The following CYTH1 variants were observed in gnomAD, a reference collection of about 807,000 sequenced individuals.
The protein encoded by CYTH1 is cytohesin-1.
In CYTH1, 18 loss-of-function variants were observed where a neutral mutation model predicts 61.8. The observed-to-expected ratio is 0.29, with a 90% CI of 0.20 to 0.43. The LOEUF (loss-of-function observed/expected upper bound fraction) is 0.43. Among genes scored for constraint, CYTH1 ranks in the 20% least tolerant of loss-of-function variants. CYTH1 has a pLI of 1.00. For missense variants in CYTH1, 336 were observed against 510.5 expected, an observed-to-expected ratio of 0.66 and a Z score of 3.29; for synonymous variants, 174 against 184.3, an observed-to-expected ratio of 0.94 and a Z score of 0.45.
chr17:78,689,424 G>A (rs551413115), intron 11 of CYTH1, among the ~76,000 whole-genome samples: 2 of 152,296 alleles, frequency 1.3e-5, no homozygotes, highest in East Asian at 3.9e-4. Context: ...GCACAACCTA[G>A]ATCTCTGGCC....
intron 1 of CYTH1, among the ~76,000 whole-genome samples, chr17:78,745,581 A>G (rs1222478497): frequency 8.5e-5 from 13 of 152,160 alleles, no homozygotes; most frequent in Admixed American, 8.5e-4. Flanking sequence ...AAAGATTGAC[A>G]TAGAAATTGC....
At chr17:78,680,840 T>C in intron 12 of CYTH1, 131 bp downstream of exon 12, 4 of 905,576 alleles carry the variant, frequency 4.4e-6, no homozygotes, top group Non-Finnish European at 7.0e-6. Context: ...GCTTGAACAA[T>C]ATAATAAAAA....
At position 78,685,909 on chromosome 17, in the gene CYTH1, C is replaced by T. The variant is rs539207032; in HGVS notation, c.892-4867G>A. Reference sequence around the variant, plus strand: ...ACTAAAAGCTGCTGGAGATGATCTGCTTTTTCCAACAGAACGACCAGACAC... The same window carrying T: ...ACTAAAAGCTGCTGGAGATGATCTGTTTTTTCCAACAGAACGACCAGACAC... On this transcript the variant is annotated intron_variant, in intron 11 of 13. Transcript: ENST00000446868. 8.5e-5 allele frequency among the ~76,000 whole-genome samples: 13 copies of T among 152,298 alleles called. No homozygotes were observed. The South Asian group carries it at 2.7e-3, about 32-fold the overall frequency.
At chr17:78,690,271 G>A (rs1417362075) in intron 11 of CYTH1, among the ~76,000 whole-genome samples, 1 of 151,430 alleles carries the variant, frequency 6.6e-6, no homozygotes, top group African/African-American at 2.4e-5. Context: ...AGCAGCGCCT[G>A]TAGTCCCAGC....
At chr17:78,696,621 T>C (rs1037612575) in intron 9 of CYTH1, 1 of 152,290 alleles carries the variant, frequency 6.6e-6, no homozygotes, top group Non-Finnish European at 1.5e-5. Flanking sequence ...CTAGAAGGAT[T>C]TGATGGAGGT....
At chr17:78,780,256 G>C (rs550982965) in intron 1 of CYTH1, among the ~76,000 whole-genome samples, 2 of 152,362 alleles carry the variant, frequency 1.3e-5, no homozygotes, top group African/African-American at 4.8e-5. Context: ...AGTGGCTCAT[G>C]CCTGTAATCC....
intron 1 of CYTH1, among the ~76,000 whole-genome samples, chr17:78,720,985 C>G (rs1012118714): frequency 6.6e-6 from 1 of 152,222 alleles, no homozygotes; most frequent in Admixed American, 6.5e-5. Flanking sequence ...TTGCGTAGTG[C>G]ATTTTAAAAT....
intron 1 of CYTH1, among the ~76,000 whole-genome samples, chr17:78,758,452 C>G (rs1447230160): frequency 6.6e-6 from 1 of 152,180 alleles, no homozygotes; most frequent in Non-Finnish European, 1.5e-5. Context: ...CGCCTGTAAT[C>G]CCAGCACTTT....
intron 1 of CYTH1, 116 bp from the exon 2 acceptor site, chr17:78,709,848 G>A: frequency 1.2e-6 from 1 of 830,110 alleles, no homozygotes; most frequent in South Asian, 1.7e-5. Context: ...GTCAGTTTCA[G>A]AAATGACTGA....
chr17:78,684,973 G>A (rs1011156931), intron 11 of CYTH1, among the ~76,000 whole-genome samples: 1 of 152,138 alleles, frequency 6.6e-6, no homozygotes, highest in Admixed American at 6.5e-5. Context: ...GGCTGAGGCG[G>A]GCAGATCACG....
At chr17:78,728,208 G>C (rs2093276380) in intron 1 of CYTH1, among the ~76,000 whole-genome samples, 1 of 152,190 alleles carries the variant, frequency 6.6e-6, no homozygotes, top group Non-Finnish European at 1.5e-5. Context: ...AAGGTAGAAA[G>C]ACCCCAGTAA....
intron 1 of CYTH1, among the ~76,000 whole-genome samples, chr17:78,751,955 C>G (rs917617358): frequency 6.6e-6 from 1 of 152,096 alleles, no homozygotes; most frequent in Non-Finnish European, 1.5e-5. Flanking sequence ...AGGCTGGTTT[C>G]GAAACCCTGA....
chr17:78,710,833 T>C (rs912688858), intron 1 of CYTH1, among the ~76,000 whole-genome samples: 2 of 152,058 alleles, frequency 1.3e-5, no homozygotes, highest in Non-Finnish European at 1.5e-5. Flanking sequence ...GTAGGGGTGG[T>C]TTGAGGGTCC....
At chr17:78,782,124 A>C in intron 1 of CYTH1, 78 bp downstream of exon 1, 1 of 1,179,788 alleles carries the variant, frequency 8.5e-7, no homozygotes, top group Admixed American at 4.4e-5. Context: ...CAGCCGCCGC[A>C]AGCGCTGCCG....
rs74001221 is a variant in CYTH1 at position 78,738,501 on chromosome 17, C to A, written c.23-28769G>T. ...GAGCTGGGAACACACACATCTACAG[C>A]AAGACAACGGGGCGCTGTCTCCAGT... On this transcript the variant is annotated intron_variant, in intron 1 of 13. Transcript: ENST00000446868. Among the ~76,000 whole-genome samples, 641 of 152,246 alleles carry A rather than the reference C, an allele frequency of 4.2e-3. 6 individuals are homozygous for A. Among genetic ancestry groups the A allele is most frequent in the African/African-American group, 0.015 (603 of 41,544 alleles).
intron 3 of CYTH1, among the ~76,000 whole-genome samples, chr17:78,703,750 C>G (rs900840092): frequency 6.6e-6 from 1 of 152,188 alleles, no homozygotes; most frequent in Non-Finnish European, 1.5e-5. Flanking sequence ...GGTGCTGGAG[C>G]GTGGGCCAGT....
chr17:78,748,732 C>A (rs1228953337), intron 1 of CYTH1, among the ~76,000 whole-genome samples: 2 of 152,056 alleles, frequency 1.3e-5, no homozygotes, highest in Non-Finnish European at 2.9e-5. Flanking sequence ...AACGGGTGGG[C>A]GGGAGGAGTG....
At chr17:78,742,542 AGAGT>A (rs1482115469) in intron 1 of CYTH1, among the ~76,000 whole-genome samples, 1 of 152,200 alleles carries the variant, frequency 6.6e-6, no homozygotes, top group African/African-American at 2.4e-5. Flanking sequence ...AGCCTAGGCA[AGAGT>A]GAGACCCTGT....
chr17:78,717,880 T>A lies in CYTH1; in HGVS notation c.23-8148A>T, dbSNP rs985720896. ...GGTCATCCAGCTGGCACCAGACCCC[T>A]CTGCCTAGCTTTCAAATACATCACT... is the stretch of plus-strand genomic sequence containing the variant. On this transcript the variant is annotated intron_variant, in intron 1 of 13. Coordinates refer to ENST00000446868, the MANE Select transcript of CYTH1 (RefSeq NM_004762.6). The surrounding 1 kb of genome is among the most constrained non-coding windows in gnomAD (Gnocchi z 4.4). Among the ~76,000 whole-genome samples the A allele has an allele frequency of 2.0e-5, 3 of 152,186 alleles. No homozygotes were observed. The highest frequency in any genetic ancestry group is 7.2e-5 in the African/African-American group (3 of 41,436).
Sources: gnomAD v4.1 joint callset for allele counts (sites outside exome capture counted in the v4.1 genomes callset) on GRCh38, gnomAD v4.1.1 for gene constraint, Gnocchi (gnomAD v3.1) non-coding constraint, MANE v1.5 for transcripts, NCBI Gene and HGNC (gene_info 2026-07-23, HGNC 2026-07-21) for gene names.